Variants in PTPRD observed in about 807,000 individuals in gnomAD.
The protein encoded by PTPRD is receptor-type tyrosine-protein phosphatase delta.
Under a neutral mutation model 214.5 loss-of-function variants are expected in PTPRD, and 34 were observed. The observed-to-expected ratio is 0.16, with a 90% CI of 0.12 to 0.21. PTPRD has a LOEUF of 0.21. PTPRD is among the 10% of genes least tolerant of loss of function. The probability of loss-of-function intolerance (pLI) is 1.00; values close to 1 mark genes in which losing one functional copy is unlikely to be tolerated. For missense variants in PTPRD, 2,545 were observed against 2,398.7 expected, an observed-to-expected ratio of 1.06 and a Z score of -1.27; for synonymous variants, 1,128 against 845.7, an observed-to-expected ratio of 1.33 and a Z score of -5.79.
chr9:9,625,334 T>C (rs1011803973), intron 7 of PTPRD, among the ~76,000 whole-genome samples: 24 of 152,172 alleles, frequency 1.6e-4, no homozygotes, highest in Non-Finnish European at 2.9e-5. Context: ...GTGTCTGATG[T>C]GCTGCTCAAG....
In PTPRD at chr9:8,890,839, C is replaced by T. The variant is rs189686443; in HGVS notation, c.-104+127858G>A. Among the ~76,000 whole-genome samples the T allele has an allele frequency of 8.9e-3, 1,362 of 152,254 alleles. 14 individuals are homozygous for T. Among genetic ancestry groups the T allele is most frequent in the Non-Finnish European group, 0.015 (1,033 of 68,016 alleles). On this transcript the variant is annotated intron_variant, in intron 11 of 45. Coordinates refer to ENST00000381196, the MANE Select transcript of PTPRD (RefSeq NM_002839.4). Reference sequence around the variant, plus strand: ...TGCCTATTTTCATTTGTTACTTCATCATGAAAGCAGGCTAAAAATGAGGGC... The same window carrying T: ...TGCCTATTTTCATTTGTTACTTCATTATGAAAGCAGGCTAAAAATGAGGGC...
At chr9:8,590,501 G>A (rs1005819731) in intron 14 of PTPRD, among the ~76,000 whole-genome samples, 3 of 152,080 alleles carry the variant, frequency 2.0e-5, no homozygotes, top group Non-Finnish European at 4.4e-5. Flanking sequence ...GGATTATCAA[G>A]TTTCCTGTCC....
intron 3 of PTPRD, among the ~76,000 whole-genome samples, chr9:10,038,041 T>G (rs1238877): frequency 0.47 from 71,039 of 151,946 alleles, 19,763 homozygotes; most frequent in African/African-American, 0.77. Context: ...CCCTCATATT[T>G]ATAATTCCAA....
intron 5 of PTPRD, among the ~76,000 whole-genome samples, chr9:9,910,942 G>A (rs915742987): frequency 6.6e-6 from 1 of 151,724 alleles, no homozygotes. Flanking sequence ...ATTCCAGTGG[G>A]AATCATTTTC....
At chr9:8,324,788 A>C (rs7029813) in intron 44 of PTPRD, among the ~76,000 whole-genome samples, 53,685 of 151,824 alleles carry the variant, frequency 0.35, 11,805 homozygotes, top group African/African-American at 0.61. Context: ...TTAATGATCG[A>C]CATTCTAATT....
At chr9:8,558,010 A>T (rs1335103895) in intron 14 of PTPRD, among the ~76,000 whole-genome samples, 1 of 152,036 alleles carries the variant, frequency 6.6e-6, no homozygotes, top group Non-Finnish European at 1.5e-5. Flanking sequence ...CTGAAAAAAA[A>T]TTATGTAACT....
intron 8 of PTPRD, among the ~76,000 whole-genome samples, chr9:9,573,816 G>T (rs533322102): frequency 6.6e-6 from 1 of 151,640 alleles, no homozygotes; most frequent in African/African-American, 2.4e-5. Flanking sequence ...TCTTTAAAAA[G>T]TAATGAAAAA....
chr9:10,250,712 G>T (rs568175523), intron 3 of PTPRD, among the ~76,000 whole-genome samples: 22 of 151,982 alleles, frequency 1.4e-4, no homozygotes, highest in African/African-American at 4.8e-4. Context: ...CTATATGTTG[G>T]TTCACTTCCC....
In PTPRD at chr9:9,926,833, AT is replaced by A. The variant is rs539454066; in HGVS notation, c.-368+11673del. On this transcript the variant is annotated intron_variant, in intron 5 of 45. Transcript: ENST00000381196. ...TAAAAGTCACTGAAATAAAATTTGT[AT>A]TTTAAGCTGTACATTTTCAGTGTTA... is the stretch of plus-strand genomic sequence containing the variant. Among the ~76,000 whole-genome samples the A allele has an allele frequency of 2.6e-4, 40 of 152,280 alleles. 1 individual carries two copies. The South Asian group carries it at 3.3e-3, about 13-fold the overall frequency.
intron 10 of PTPRD, among the ~76,000 whole-genome samples, chr9:9,161,913 T>C (rs2099890094): frequency 6.6e-6 from 1 of 152,076 alleles, no homozygotes; most frequent in Non-Finnish European, 1.5e-5. Flanking sequence ...CTTTATGAAA[T>C]GGGACTCAGC....
rs2095792618 is a variant in PTPRD at position 9,988,274 on chromosome 9, G to A, written c.-472+45444C>T. Among the ~76,000 whole-genome samples the A allele has an allele frequency of 2.6e-5, 4 of 152,212 alleles. No homozygotes were observed. In the South Asian group the frequency reaches 8.3e-4, roughly 32 times the overall value. ...GATCAGTTTTCAAAACATATTTTAT[G>A]AAATTATGTTAGTTATTTTTAATTT... On this transcript the variant is annotated intron_variant, in intron 4 of 45. Transcript: ENST00000381196.
rs562748425 is a variant in PTPRD at position 8,667,118 on chromosome 9, G to A, written c.65-30274C>T. 3.6e-3 allele frequency among the ~76,000 whole-genome samples: 548 copies of A among 152,206 alleles called. 2 individuals carry two copies. Among genetic ancestry groups the A allele is most frequent in the African/African-American group, 0.013 (521 of 41,530 alleles). The stretch of plus-strand genomic sequence containing the variant: ...CTTTAGGAGGCTGAGGCGGGCAGAT[G>A]ACCTGAAGTCAGGAGTTCAAGACCA... On this transcript the variant is annotated intron_variant, in intron 12 of 45. Transcript: ENST00000381196.
At chr9:10,506,046 A>G (rs1197952142) in intron 2 of PTPRD, among the ~76,000 whole-genome samples, 1 of 152,096 alleles carries the variant, frequency 6.6e-6, no homozygotes, top group Non-Finnish European at 1.5e-5. Context: ...GAATCAAGGT[A>G]CTATTTAAAA....
At chr9:9,620,743 C>T (rs1243741733) in intron 7 of PTPRD, among the ~76,000 whole-genome samples, 1 of 151,960 alleles carries the variant, frequency 6.6e-6, no homozygotes, top group Non-Finnish European at 1.5e-5. Flanking sequence ...TATGTTAGCT[C>T]TTCATTTCCT....
intron 3 of PTPRD, among the ~76,000 whole-genome samples, chr9:10,225,948 C>T (rs7033591): frequency 0.15 from 22,330 of 151,988 alleles, 1,739 homozygotes; most frequent in African/African-American, 0.19. Context: ...CTTATTTTAC[C>T]TTATGCCAGA....
At chr9:8,574,285 C>T (rs1369102976) in intron 14 of PTPRD, among the ~76,000 whole-genome samples, 1 of 151,946 alleles carries the variant, frequency 6.6e-6, no homozygotes, top group Non-Finnish European at 1.5e-5. Flanking sequence ...CACTCTTTGG[C>T]ACTGTCTATC....
intron 35 of PTPRD, among the ~76,000 whole-genome samples, chr9:8,418,845 G>A (rs2094145101): frequency 6.6e-6 from 1 of 151,820 alleles, no homozygotes; most frequent in Non-Finnish European, 1.5e-5. Context: ...ACTTGAACAA[G>A]GCCTAGAGTA....
chr9:10,146,743 T>C (rs1222645626), intron 3 of PTPRD, among the ~76,000 whole-genome samples: 2 of 152,078 alleles, frequency 1.3e-5, no homozygotes, highest in African/African-American at 4.8e-5. Flanking sequence ...TTTGTTTGTT[T>C]TGTTTTTTCC....
intron 2 of PTPRD, among the ~76,000 whole-genome samples, chr9:10,370,289 G>A (rs1039501751): frequency 1.6e-4 from 24 of 152,122 alleles, no homozygotes; most frequent in African/African-American, 4.3e-4. Context: ...GTATTAGAAC[G>A]CATGTTCACA....
Sources: allele counts gnomAD v4.1 joint callset (sites outside exome capture counted in the v4.1 genomes callset), GRCh38; gene constraint gnomAD v4.1.1; transcripts MANE v1.5; gene names NCBI Gene and HGNC (gene_info 2026-07-23, HGNC 2026-07-21).